The following C1GALT1 variants were observed in gnomAD, a reference collection of about 807,000 sequenced individuals.
C1GALT1 encodes glycoprotein-N-acetylgalactosamine 3-beta-galactosyltransferase 1.
Under a neutral mutation model 31.0 loss-of-function variants are expected in C1GALT1, and 11 were observed. The observed-to-expected ratio is 0.36, with a 90% CI of 0.22 to 0.59. The LOEUF (loss-of-function observed/expected upper bound fraction) is 0.59. Ranked by LOEUF, C1GALT1 falls within the 20% of genes least tolerant of loss-of-function variation. The probability of loss-of-function intolerance (pLI) is 0.79; values close to 1 mark genes in which losing one functional copy is unlikely to be tolerated. For missense variants in C1GALT1, 424 were observed against 425.2 expected, an observed-to-expected ratio of 1.00 and a Z score of 0.03; for synonymous variants, 175 against 143.6, an observed-to-expected ratio of 1.22 and a Z score of -1.56.
At chr7:7,207,198 CT>C (rs1348988634) in intron 1 of C1GALT1, among the ~76,000 whole-genome samples, 13 of 151,944 alleles carry the variant, frequency 8.6e-5, no homozygotes, top group African/African-American at 3.1e-4. Context: ...TTCACTGATT[CT>C]TTTTTTCTTC....
intron 1 of C1GALT1, among the ~76,000 whole-genome samples, chr7:7,221,070 T>G (rs1782491285): frequency 6.6e-6 from 1 of 152,200 alleles, no homozygotes; most frequent in South Asian, 2.1e-4. Context: ...TTTTATTTAC[T>G]GTGCTGGGTA....
intron 1 of C1GALT1, among the ~76,000 whole-genome samples, chr7:7,231,114 C>T (rs1480247575): frequency 6.6e-6 from 1 of 152,136 alleles, no homozygotes; most frequent in African/African-American, 2.4e-5. Context: ...TCTTGAAGGA[C>T]ATTTTTGCTG....
At chr7:7,205,119 C>G (rs1035120179) in intron 1 of C1GALT1, among the ~76,000 whole-genome samples, 4 of 151,988 alleles carry the variant, frequency 2.6e-5, no homozygotes, top group Admixed American at 6.6e-5. Flanking sequence ...ACTGAAGTCT[C>G]CCAACTGTTA....
intron 2 of C1GALT1, among the ~76,000 whole-genome samples, chr7:7,177,507 C>T (rs1194376344): frequency 6.6e-6 from 1 of 152,128 alleles, no homozygotes; most frequent in Non-Finnish European, 1.5e-5. Context: ...AGCAGATATA[C>T]TCAGCCACAG....
At chr7:7,226,818 A>G (rs927154434) in intron 1 of C1GALT1, among the ~76,000 whole-genome samples, 35 of 152,218 alleles carry the variant, frequency 2.3e-4, no homozygotes, top group African/African-American at 8.0e-4. Flanking sequence ...TCCAGGATTA[A>G]GCAGTCATGG....
At chr7:7,239,746 T>A (rs1354764430) in intron 3 of C1GALT1, among the ~76,000 whole-genome samples, 1 of 152,178 alleles carries the variant, frequency 6.6e-6, no homozygotes, top group Non-Finnish European at 1.5e-5. Context: ...TTATCCCCTG[T>A]CTTTACCAAA....
At chr7:7,236,695 G>A (rs1327851130) in intron 2 of C1GALT1, among the ~76,000 whole-genome samples, 1 of 151,716 alleles carries the variant, frequency 6.6e-6, no homozygotes, top group Non-Finnish European at 1.5e-5. Context: ...CTAATTTTTT[G>A]TATCTTTTTT....
At chr7:7,219,218 A>ATT in intron 1 of C1GALT1, among the ~76,000 whole-genome samples, 1 of 152,368 alleles carries the variant, frequency 6.6e-6, no homozygotes, top group South Asian at 2.1e-4. Flanking sequence ...AATAGTTTAT[A>ATT]CATAGGCTTT....
chr7:7,224,253 C>T (rs1308247618), intron 1 of C1GALT1, among the ~76,000 whole-genome samples: 1 of 148,822 alleles, frequency 6.7e-6, no homozygotes, highest in Admixed American at 6.6e-5. Flanking sequence ...GGGTAGTAGT[C>T]TGTAGTTTTT....
intron 1 of C1GALT1, among the ~76,000 whole-genome samples, chr7:7,206,849 T>G (rs1204939584): frequency 6.6e-6 from 1 of 152,160 alleles, no homozygotes; most frequent in African/African-American, 2.4e-5. Context: ...TATTGAGGAC[T>G]GCTTATGTGT....
At chr7:7,216,802 A>G (rs781530312) in intron 1 of C1GALT1, among the ~76,000 whole-genome samples, 12 of 152,204 alleles carry the variant, frequency 7.9e-5, no homozygotes, top group Non-Finnish European at 1.5e-4. Flanking sequence ...TTAAAAGCAT[A>G]AACTTCCGTT....
intron 2 of C1GALT1, among the ~76,000 whole-genome samples, chr7:7,161,856 A>G (rs1267331732): frequency 6.6e-6 from 1 of 152,102 alleles, no homozygotes; most frequent in East Asian, 1.9e-4. Flanking sequence ...AGTGCAGAAG[A>G]TTCTATTGAA....
chr7:7,159,031 A>G (rs943819235), intron 2 of C1GALT1, among the ~76,000 whole-genome samples: 3 of 152,174 alleles, frequency 2.0e-5, no homozygotes, highest in African/African-American at 7.2e-5. Context: ...ATTATATGCA[A>G]ATAGGGCATG....
chr7:7,229,193 A>G (rs1562590486), intron 1 of C1GALT1, among the ~76,000 whole-genome samples: 1 of 152,206 alleles, frequency 6.6e-6, no homozygotes, highest in Admixed American at 6.5e-5. Context: ...CTGCAGCAGT[A>G]AAATACTGTC....
At chr7:7,190,132 G>C (rs1274631396) in intron 1 of C1GALT1, among the ~76,000 whole-genome samples, 1 of 152,160 alleles carries the variant, frequency 6.6e-6, no homozygotes, top group Non-Finnish European at 1.5e-5. Flanking sequence ...CAGAGGAAAT[G>C]TCAGCATTTC....
At chr7:7,161,908 A>G (rs1163711577) in intron 2 of C1GALT1, among the ~76,000 whole-genome samples, 2 of 152,094 alleles carry the variant, frequency 1.3e-5, no homozygotes, top group Non-Finnish European at 2.9e-5. Context: ...GGTCAGAAAG[A>G]GGGCTGACTT....
rs75729916 is a variant in C1GALT1, at chr7:7,172,260, T to A, written c.-18+14834T>A. Among the ~76,000 whole-genome samples the A allele has an allele frequency of 4.1e-4, 62 of 152,344 alleles. 1 individual carries two copies. The East Asian group carries it at 0.011, about 27-fold the overall frequency. On this transcript the variant is annotated intron_variant, in intron 2 of 3. Coordinates refer to the C1GALT1 transcript ENST00000429911. ...TTTCATTTTCTTTCACCCACTTAAA[T>A]ATGTCACTCCACTGTCTTCTGGCTT...
intron 1 of C1GALT1, among the ~76,000 whole-genome samples, chr7:7,195,191 TC>T (rs560912567): frequency 1.7e-3 from 262 of 152,310 alleles, no homozygotes; most frequent in African/African-American, 6.0e-3. Context: ...TCTGTTCTGA[TC>T]TTTGTTGTTT....
At chr7:7,233,237 C>G (rs892999835) in intron 1 of C1GALT1, among the ~76,000 whole-genome samples, 1 of 152,006 alleles carries the variant, frequency 6.6e-6, no homozygotes, top group Non-Finnish European at 1.5e-5. Context: ...AAATCTAGAT[C>G]TTGCAGTATA....
Sources: allele counts gnomAD v4.1 joint callset (sites outside exome capture counted in the v4.1 genomes callset), GRCh38; gene constraint gnomAD v4.1.1; transcripts MANE v1.5; gene names NCBI Gene and HGNC (gene_info 2026-07-23, HGNC 2026-07-21).